The following MAP4K5 variants were observed in gnomAD, a reference collection of about 807,000 sequenced individuals.
MAP4K5 encodes the protein MAPK/ERK kinase kinase kinase 5.
Under a neutral mutation model 135.6 loss-of-function variants are expected in MAP4K5, and 82 were observed. That is an observed-to-expected ratio of 0.60 (90% confidence interval 0.51 to 0.73). MAP4K5 has a LOEUF of 0.73. Among genes scored for constraint, MAP4K5 ranks in the 30% least tolerant of loss-of-function variants. The pLI is 0.00. For missense variants in MAP4K5, 907 were observed against 1,010.9 expected, an observed-to-expected ratio of 0.90 and a Z score of 1.39; for synonymous variants, 347 against 335.0, an observed-to-expected ratio of 1.04 and a Z score of -0.39.
chr14:50,476,147 G>A lies in MAP4K5; in HGVS notation c.450C>T (p.Asp150=). 1 of 1,503,410 alleles carries A rather than the reference G, an allele frequency of 6.7e-7. No homozygotes were observed. Among genetic ancestry groups the A allele is most frequent in the Admixed American group, 2.1e-5 (1 of 46,664 alleles). The allele number at this position is 1,503,410 out of a possible 1,614,324, so 93.1% of individuals were successfully genotyped here. A position where few individuals can be genotyped will look rare whatever the true frequency, so the allele number is the denominator to read the frequency against. The change falls in exon 8 of 33, where the codon GAC becomes GAT. Residue 150 remains aspartate (D), a synonymous_variant. Transcript: ENST00000682126. ...ACATACCTAATTTTACATCGCCATG[G>A]TCTGTCAATAAAATATTAGCACCCT... ...DIKGANILLT[D]HGDVKLADFG...
At chr14:50,421,254 TTTA>T (rs2035724100) in intron 32 of MAP4K5, among the ~76,000 whole-genome samples, 1 of 151,758 alleles carries the variant, frequency 6.6e-6, no homozygotes, top group Non-Finnish European at 1.5e-5. Flanking sequence ...AAATAATTTT[TTTA>T]TTTTTATTTT....
intron 26 of MAP4K5, among the ~76,000 whole-genome samples, chr14:50,435,610 G>T (rs964067869): frequency 6.6e-6 from 1 of 151,576 alleles, no homozygotes; most frequent in Non-Finnish European, 1.5e-5. Context: ...GGACTCAACC[G>T]ATCTTCCCAT....
At chr14:50,502,681 C>T (rs752689996) in intron 3 of MAP4K5, among the ~76,000 whole-genome samples, 1 of 151,722 alleles carries the variant, frequency 6.6e-6, no homozygotes, top group Non-Finnish European at 1.5e-5. Context: ...GATTATAATA[C>T]GCAACAAAAG....
At chr14:50,555,529 C>T (rs762078892) in intron 1 of MAP4K5, among the ~76,000 whole-genome samples, 60 of 152,180 alleles carry the variant, frequency 3.9e-4, no homozygotes, top group Non-Finnish European at 7.9e-4. Context: ...GGCAATCTGC[C>T]CGCCTTGGCC....
intron 3 of MAP4K5, among the ~76,000 whole-genome samples, chr14:50,490,195 A>G (rs1391970912): frequency 6.7e-6 from 1 of 149,972 alleles, no homozygotes; most frequent in Non-Finnish European, 1.5e-5. Context: ...AGAAAAAAAA[A>G]AAAATGACCC....
At chr14:50,430,827 T>C (rs1010882412) in intron 28 of MAP4K5, among the ~76,000 whole-genome samples, 2 of 152,186 alleles carry the variant, frequency 1.3e-5, no homozygotes, top group East Asian at 3.8e-4. Context: ...AATTAGGGCC[T>C]GGTAAAAATT....
rs750400430 is a variant in MAP4K5 at position 50,438,084 on chromosome 14, G to C, written c.1708+8C>G. The C allele has an allele frequency of 1.2e-6, 1 of 868,606 alleles. No homozygotes were observed. Among genetic ancestry groups the C allele is most frequent in the Non-Finnish European group, 2.0e-6 (1 of 504,644 alleles). 53.8% of individuals were successfully genotyped at this position (868,606 alleles called of 1,614,324 possible). ...ATACAATTTTCGAGAAAAAGAAAAC[G>C]TAATTACCTTCTAAAACGAGAGTCC... On this transcript the variant is annotated splice_region_variant and intron_variant, in intron 24 of 32. Transcript: ENST00000682126.
Position 50,446,194 on chromosome 14 carries a change from T to C in MAP4K5, c.1143-73A>G, listed in dbSNP as rs1019839023. The C allele has an allele frequency of 3.3e-5, 29 of 881,264 alleles. 1 individual carries two copies. In the South Asian group the frequency reaches 4.5e-4, roughly 14 times the overall value. The allele number at this position is 881,264 out of a possible 1,614,324, so 54.6% of individuals were successfully genotyped here. On this transcript the variant is annotated intron_variant, in intron 16 of 32. Transcript: ENST00000682126. ...CCGAAAACACAGATACTATTAAATA[T>C]GTATTAAAATCAGTTTCTATACAGA...
At chr14:50,541,530 A>G (rs1488277752) in intron 2 of MAP4K5, among the ~76,000 whole-genome samples, 2 of 152,186 alleles carry the variant, frequency 1.3e-5, no homozygotes, top group Non-Finnish European at 2.9e-5. Flanking sequence ...TCTTTGACCC[A>G]TGTAACCTGT....
chr14:50,430,814 T>C (rs1000149203), intron 28 of MAP4K5, among the ~76,000 whole-genome samples: 1 of 152,174 alleles, frequency 6.6e-6, no homozygotes, highest in Non-Finnish European at 1.5e-5. Flanking sequence ...TTAGGAAAAG[T>C]AGAATTAGGG....
chr14:50,442,131 C>T (rs1241485604), intron 21 of MAP4K5, among the ~76,000 whole-genome samples: 1 of 152,006 alleles, frequency 6.6e-6, no homozygotes, highest in African/African-American at 2.4e-5. Context: ...ACTTCAGAAA[C>T]ATAGTCTACA....
chr14:50,478,768 T>C (rs182871866), intron 6 of MAP4K5, among the ~76,000 whole-genome samples: 2 of 152,252 alleles, frequency 1.3e-5, no homozygotes, highest in East Asian at 3.9e-4. Context: ...TGTTTGTAAG[T>C]CTGAAAAACT....
chr14:50,486,433 A>C (rs531773446), intron 3 of MAP4K5, among the ~76,000 whole-genome samples: 1 of 152,314 alleles, frequency 6.6e-6, no homozygotes, highest in South Asian at 2.1e-4. Flanking sequence ...GTACAAAGAC[A>C]GATGTTTACC....
chr14:50,446,994 C>A (rs2036368182), intron 16 of MAP4K5, among the ~76,000 whole-genome samples: 1 of 152,030 alleles, frequency 6.6e-6, no homozygotes, highest in Admixed American at 6.6e-5. Context: ...AATGTATAGG[C>A]CTAATGTGGG....
Position 50,475,073 on chromosome 14 carries a change from T to C in MAP4K5, c.542+4A>G. The C allele has an allele frequency of 6.2e-7, 1 of 1,611,138 alleles. No individual in the cohort carries two copies. The highest frequency in any genetic ancestry group is 8.5e-7 in the Non-Finnish European group (1 of 1,177,346). On this transcript the variant is annotated splice_donor_region_variant and intron_variant, in intron 9 of 32. Transcript: ENST00000682126. ...GATCAAATTCAATCACAGTAATGTC[T>C]TACCAGTAAGGGGTGCCAATGAAAG...
At chr14:50,426,404 A>G (rs2035847807) in intron 30 of MAP4K5, among the ~76,000 whole-genome samples, 1 of 152,126 alleles carries the variant, frequency 6.6e-6, no homozygotes, top group African/African-American at 2.4e-5. Context: ...TTATGTTCAT[A>G]TTTTCCCTGT....
intron 2 of MAP4K5, among the ~76,000 whole-genome samples, chr14:50,526,755 T>C (rs1393757167): frequency 6.6e-6 from 1 of 152,204 alleles, no homozygotes; most frequent in African/African-American, 2.4e-5. Context: ...TTTGTCTCTA[T>C]AAAATGGGAT....
intron 17 of MAP4K5, among the ~76,000 whole-genome samples, chr14:50,445,529 A>G (rs1240975593): frequency 2.0e-5 from 3 of 152,114 alleles, no homozygotes; most frequent in Non-Finnish European, 4.4e-5. Context: ...ATGTAGTCAA[A>G]TATTTTCTTC....
At chr14:50,464,980 C>T (rs1021221160) in intron 11 of MAP4K5, among the ~76,000 whole-genome samples, 1 of 152,140 alleles carries the variant, frequency 6.6e-6, no homozygotes, top group South Asian at 2.1e-4. Context: ...ATCAGTCATT[C>T]CTGCCGTAAA....
Sources: gnomAD v4.1 joint callset for allele counts (sites outside exome capture counted in the v4.1 genomes callset) on GRCh38, gnomAD v4.1.1 for gene constraint, MANE v1.5 for transcripts, NCBI Gene and HGNC (gene_info 2026-07-23, HGNC 2026-07-21) for gene names.